Variants in TGFBR3 observed in about 807,000 individuals in gnomAD.
TGFBR3 encodes transforming growth factor beta receptor 3.
Under a neutral mutation model 87.9 loss-of-function variants are expected in TGFBR3, and 46 were observed. That is an observed-to-expected ratio of 0.52 (90% CI 0.41 to 0.67). The LOEUF (loss-of-function observed/expected upper bound fraction) is 0.67. TGFBR3 is among the 30% of genes least tolerant of loss of function. TGFBR3 has a pLI of 0.00. For synonymous variants in TGFBR3, 381 were observed against 391.6 expected, an observed-to-expected ratio of 0.97 and a Z score of 0.32; for missense variants, 866 against 1,041.9, an observed-to-expected ratio of 0.83 and a Z score of 2.32.
chr1:91,843,775 C>T (rs918682783), intron 2 of TGFBR3, among the ~76,000 whole-genome samples: 3 of 152,134 alleles, frequency 2.0e-5, no homozygotes, highest in African/African-American at 4.8e-5. Context: ...AACTAGTGCA[C>T]GATCCTGACT....
chr1:91,768,718 T>C (rs1254406200), intron 3 of TGFBR3, among the ~76,000 whole-genome samples: 4 of 152,092 alleles, frequency 2.6e-5, no homozygotes, highest in Non-Finnish European at 4.4e-5. Context: ...TCTGCCACGA[T>C]TGAAAGTTTC....
In TGFBR3 at chr1:91,687,968, AC is replaced by A. The variant is rs965656607; in HGVS notation, c.2438-4112del. On this transcript the variant is annotated intron_variant, in intron 16 of 16. Transcript: ENST00000212355. ...AATGTCTCAGTTTCTTGATCTCCTAACTGTAATTAATTCACAAGCTCACTCT... is the reference window on the plus strand; with the variant it reads ...AATGTCTCAGTTTCTTGATCTCCTAATGTAATTAATTCACAAGCTCACTCT... Among the ~76,000 whole-genome samples, 13 of 152,306 alleles carry A rather than the reference AC, an allele frequency of 8.5e-5. No individual in the cohort carries two copies. The South Asian group carries it at 1.7e-3, about 19-fold the overall frequency.
intron 2 of TGFBR3, among the ~76,000 whole-genome samples, chr1:91,839,004 G>T (rs1203674353): frequency 1.3e-5 from 2 of 152,054 alleles, no homozygotes; most frequent in African/African-American, 4.8e-5. Context: ...TTGAGACAGG[G>T]TCTCACTCTG....
Position 91,682,695 on chromosome 1 carries a change from A to T in TGFBR3, c.*1044T>A, listed in dbSNP as rs1670951066. 2.2e-6 allele frequency: 1 copy of T among 452,156 alleles called. No homozygotes were observed. Among genetic ancestry groups the T allele is most frequent in the Non-Finnish European group, 4.4e-6 (1 of 226,128 alleles). The allele number at this position is 452,156 out of a possible 1,614,324, so 28.0% of individuals were successfully genotyped here. On this transcript the variant is annotated 3_prime_UTR_variant, in exon 17 of 17. Transcript: ENST00000212355. ...CAGTTTGGTTTTTATGAAAGGGCCT[A>T]TTTTTTTTTAAGTTGACATATTTTG...
intron 1 of TGFBR3, 141 bp downstream of exon 1, chr1:91,885,737 G>A (rs1011362625): frequency 1.1e-5 from 2 of 185,620 alleles, no homozygotes; most frequent in African/African-American, 4.8e-5. Flanking sequence ...CCCTCCCAAG[G>A]CCGGAGGTCC....
At chr1:91,865,454 TA>T (rs147321223) in intron 1 of TGFBR3, among the ~76,000 whole-genome samples, 2,440 of 151,224 alleles carry the variant, frequency 0.016, 69 homozygotes, top group African/African-American at 0.056. Context: ...AGTATTTATT[TA>T]AAAAAAAAGT....
At position 91,832,560 on chromosome 1, in the gene TGFBR3, A is replaced by C. The variant is rs17880348; in HGVS notation, c.61+28911T>G. Among the ~76,000 whole-genome samples, 783 of 152,336 alleles carry C rather than the reference A, an allele frequency of 5.1e-3. 12 individuals carry two copies. Among genetic ancestry groups the C allele is most frequent in the African/African-American group, 0.018 (756 of 41,574 alleles). ...TTTACAGATGAAAGAACTAAGGTAG[A>C]GTGATATTAAGTAACTCACTCAAAG... On this transcript the variant is annotated intron_variant, in intron 2 of 16. Coordinates refer to ENST00000212355, the MANE Select transcript of TGFBR3 (RefSeq NM_003243.5).
intron 3 of TGFBR3, among the ~76,000 whole-genome samples, chr1:91,780,574 T>TC (rs1674724801): frequency 6.8e-6 from 1 of 146,740 alleles, no homozygotes; most frequent in Non-Finnish European, 1.5e-5. Context: ...TTTTTTTTTT[T>TC]CTGACATGGA....
At chr1:91,826,255 G>A (rs1557730944) in intron 2 of TGFBR3, among the ~76,000 whole-genome samples, 1 of 152,116 alleles carries the variant, frequency 6.6e-6, no homozygotes, top group South Asian at 2.1e-4. Flanking sequence ...CGAGGGAACG[G>A]AGGAAACACA....
At chr1:91,778,559 A>G (rs1674652076) in intron 3 of TGFBR3, among the ~76,000 whole-genome samples, 2 of 152,208 alleles carry the variant, frequency 1.3e-5, no homozygotes, top group African/African-American at 2.4e-5. Flanking sequence ...ACCAATATCA[A>G]TAACTAGATC....
chr1:91,790,100 AAGAG>A (rs1243406577), intron 3 of TGFBR3, among the ~76,000 whole-genome samples: 2 of 151,954 alleles, frequency 1.3e-5, no homozygotes, highest in African/African-American at 2.4e-5. Flanking sequence ...ACAGAGAAAA[AAGAG>A]AGAGAGAGAG....
intron 3 of TGFBR3, among the ~76,000 whole-genome samples, chr1:91,769,538 C>G (rs904026444): frequency 1.3e-5 from 2 of 152,156 alleles, no homozygotes; most frequent in Non-Finnish European, 2.9e-5. Flanking sequence ...ACTATCATGA[C>G]CAACAACATC....
intron 14 of TGFBR3, among the ~76,000 whole-genome samples, chr1:91,700,825 C>A (rs1428900151): frequency 6.6e-6 from 1 of 152,158 alleles, no homozygotes; most frequent in Non-Finnish European, 1.5e-5. Context: ...CTTATATTGT[C>A]TCATTTTAAA....
At chr1:91,798,133 A>T (rs1675458658) in intron 2 of TGFBR3, among the ~76,000 whole-genome samples, 1 of 152,076 alleles carries the variant, frequency 6.6e-6, no homozygotes, top group African/African-American at 2.4e-5. Flanking sequence ...TAAATCCTAA[A>T]TCCATCCACT....
At chr1:91,698,513 C>CT (rs35919369) in intron 14 of TGFBR3, among the ~76,000 whole-genome samples, 2,135 of 120,728 alleles carry the variant, frequency 0.018, 72 homozygotes, top group African/African-American at 0.051. Context: ...TCAAAATATT[C>CT]TTTTTTTTTT....
rs141174391 is a variant in TGFBR3 at position 91,819,479 on chromosome 1, G to A, written c.62-22008C>T. 7.4e-3 allele frequency among the ~76,000 whole-genome samples: 1,123 copies of A among 152,230 alleles called. 15 individuals carry two copies. Among genetic ancestry groups the A allele is most frequent in the African/African-American group, 0.026 (1,061 of 41,526 alleles). ...TAAAAATAACCCTTTGACCCACATA[G>A]AAATTACAACTCAGAGGAAGCTGAG... On this transcript the variant is annotated intron_variant, in intron 2 of 16. Coordinates refer to ENST00000212355, the MANE Select transcript of TGFBR3 (RefSeq NM_003243.5).
chr1:91,844,006 T>C (rs1417083039), intron 2 of TGFBR3, among the ~76,000 whole-genome samples: 1 of 152,226 alleles, frequency 6.6e-6, no homozygotes, highest in Non-Finnish European at 1.5e-5. Flanking sequence ...GAAACTCTGC[T>C]GGGAAAGCCC....
intron 3 of TGFBR3, among the ~76,000 whole-genome samples, chr1:91,767,284 C>T (rs1412923935): frequency 7.5e-6 from 1 of 133,966 alleles, no homozygotes; most frequent in Non-Finnish European, 1.6e-5. Context: ...TTCCCCTGGG[C>T]TAAAGTACAA....
At chr1:91,739,360 C>T (rs1245594297) in intron 4 of TGFBR3, among the ~76,000 whole-genome samples, 1 of 152,144 alleles carries the variant, frequency 6.6e-6, no homozygotes, top group Admixed American at 6.5e-5. Context: ...GCTTTTCTAT[C>T]CTATCCTTAT....
Sources: allele counts gnomAD v4.1 joint callset (sites outside exome capture counted in the v4.1 genomes callset), GRCh38; gene constraint gnomAD v4.1.1; transcripts MANE v1.5; gene names NCBI Gene and HGNC (gene_info 2026-07-23, HGNC 2026-07-21).